The following ACSF2 variants were observed in gnomAD, a reference collection of about 807,000 sequenced individuals.
ACSF2 encodes the protein acyl-CoA synthetase family member 2.
A neutral mutation model predicts 79.3 loss-of-function variants in ACSF2; 52 were observed. The observed-to-expected ratio is 0.66, with a 90% confidence interval of 0.53 to 0.83. The LOEUF is 0.83. ACSF2 is among the 40% of genes least tolerant of loss of function. The probability of loss-of-function intolerance (pLI) is 0.00; values close to 1 mark genes in which losing one functional copy is unlikely to be tolerated. For synonymous variants in ACSF2, 283 were observed against 312.6 expected (o/e 0.91, Z 1.00); for missense variants, 661 against 803.3 (o/e 0.82, Z 2.14).
At chr17:50,447,878 C>T (rs752642294) in intron 1 of ACSF2, among the ~76,000 whole-genome samples, 14 of 152,144 alleles carry the variant, frequency 9.2e-5, no homozygotes, top group Non-Finnish European at 1.6e-4. Flanking sequence ...GAGGGTATAC[C>T]GGAGTTGGTG....
At chr17:50,469,030 C>T in intron 10 of ACSF2, 4 of 1,333,814 alleles carry the variant, frequency 3.0e-6, no homozygotes, top group Middle Eastern at 2.8e-4. Context: ...GGGGGCGGGG[C>T]CGTTCCCCCA....
At chr17:50,441,086 G>A (rs968773503) in intron 1 of ACSF2, among the ~76,000 whole-genome samples, 2 of 152,266 alleles carry the variant, frequency 1.3e-5, no homozygotes, top group African/African-American at 4.8e-5. Flanking sequence ...AGAGTAAAGA[G>A]TAGTACTCTT....
intron 1 of ACSF2, among the ~76,000 whole-genome samples, chr17:50,443,417 C>T (rs1466902028): frequency 1.3e-5 from 2 of 152,124 alleles, no homozygotes; most frequent in Non-Finnish European, 2.9e-5. Flanking sequence ...GTTTGGGATG[C>T]CCTCTTTCTA....
intron 10 of ACSF2, chr17:50,466,011 G>A: frequency 1.3e-6 from 1 of 763,592 alleles, no homozygotes; most frequent in South Asian, 1.8e-5. Flanking sequence ...AAAGCAGTAT[G>A]ACCAAGTGAT....
In ACSF2 at chr17:50,462,590, G is replaced by A. The variant is rs746855499; in HGVS notation, c.792+5G>A. 1 of 1,611,280 alleles carries A rather than the reference G, an allele frequency of 6.2e-7. No homozygotes were observed. The highest frequency in any genetic ancestry group is 1.1e-5 in the South Asian group (1 of 91,016). On this transcript the variant is annotated splice_donor_5th_base_variant and intron_variant, in intron 6 of 15. Transcript: ENST00000300441. ...ATCAACATCCAGTTCACCTCGGTAG[G>A]GCAGAGGTCTCCAGGCCCCAAGCCC...
Position 50,474,428 on chromosome 17 carries a change from A to G in ACSF2, c.1798-74A>G, listed in dbSNP as rs1051402067. The G allele has an allele frequency of 5.8e-6, 9 of 1,563,872 alleles. No individual in the cohort carries two copies. The African/African-American group carries it at 1.2e-4, about 21-fold the overall frequency. Reference sequence around the variant, plus strand: ...GGGGACTTTCCCTGTTTTGGCACTAAGAGCCTGAGAAACCCCTTATTCTTG... The same window carrying G: ...GGGGACTTTCCCTGTTTTGGCACTAGGAGCCTGAGAAACCCCTTATTCTTG... On this transcript the variant is annotated intron_variant, in intron 15 of 15. Coordinates refer to ENST00000300441, the MANE Select transcript of ACSF2 (RefSeq NM_025149.6). The surrounding 1 kb of genome is among the most constrained non-coding windows in gnomAD (Gnocchi z 4.2).
intron 1 of ACSF2, among the ~76,000 whole-genome samples, chr17:50,434,759 G>A (rs1302247459): frequency 6.6e-6 from 1 of 151,788 alleles, no homozygotes; most frequent in African/African-American, 2.4e-5. Context: ...GTTCTTTGTA[G>A]TTGGTATTTT....
intron 2 of ACSF2, 57 bp from the exon 3 acceptor site, chr17:50,461,185 C>A: frequency 6.2e-7 from 1 of 1,611,400 alleles, no homozygotes; most frequent in Non-Finnish European, 8.5e-7. Context: ...GGGTGGGAGT[C>A]TTGGGCCCCT....
Position 50,426,262 on chromosome 17 carries a change from A to ATG in ACSF2, c.2_3dup (p.Ala2_?1). ...GCCGGGACGCAGGGCAAAGCGAGCCATGGCTGTCTACGTCGGGATGCTGCG... is the reference window on the plus strand; with the variant it reads ...GCCGGGACGCAGGGCAAAGCGAGCCATGTGGCTGTCTACGTCGGGATGCTGCG... On this transcript the variant is annotated frameshift_variant and start_lost, in exon 1 of 16. Coordinates refer to ENST00000300441, the MANE Select transcript of ACSF2 (RefSeq NM_025149.6). LOFTEE classifies it high-confidence loss of function. The ATG allele has an allele frequency of 1.5e-6, 2 of 1,376,490 alleles. No homozygotes were observed. Among genetic ancestry groups the ATG allele is most frequent in the African/African-American group, 1.5e-5 (1 of 66,666 alleles). The allele number at this position is 1,376,490 out of a possible 1,614,324, so 85.3% of individuals were successfully genotyped here. A position where few individuals can be genotyped will look rare whatever the true frequency, so the allele number is the denominator to read the frequency against.
intron 1 of ACSF2, among the ~76,000 whole-genome samples, chr17:50,454,434 C>T (rs1321391423): frequency 6.6e-6 from 1 of 152,018 alleles, no homozygotes; most frequent in African/African-American, 2.4e-5. Context: ...GGGAGACAGC[C>T]AGTCTGTGAC....
intron 1 of ACSF2, among the ~76,000 whole-genome samples, chr17:50,438,975 G>C (rs1567840099): frequency 6.6e-6 from 1 of 151,980 alleles, no homozygotes; most frequent in Non-Finnish European, 1.5e-5. Context: ...GTTTATATTT[G>C]TTTAAACATG....
chr17:50,471,223 A>T lies in ACSF2; in HGVS notation c.1323+88A>T. ...TGGGACATCGGTTGCTTTCAGTGAG[A>T]GAGTCAAATGGCTCACTCAGGATGC... On this transcript the variant is annotated intron_variant, in intron 11 of 15. Transcript: ENST00000300441. This position sits in a 1 kb window ranked among gnomAD's most constrained non-coding sequence, Gnocchi z 4.1. The T allele has an allele frequency of 1.8e-6, 2 of 1,093,684 alleles. No homozygotes were observed. The highest frequency in any genetic ancestry group is 2.8e-6 in the Non-Finnish European group (2 of 718,486). The allele number at this position is 1,093,684 out of a possible 1,614,324, so 67.7% of individuals were successfully genotyped here. A position where few individuals can be genotyped will look rare whatever the true frequency, so the allele number is the denominator to read the frequency against.
chr17:50,468,191 G>A lies in ACSF2; in HGVS notation c.1216-2837G>A, dbSNP rs1391168025. On this transcript the variant is annotated intron_variant, in intron 10 of 15. Transcript: ENST00000300441. ...GCTCAGGGCAGCTGAGGGGTAGCTGGACAGCTGGTTCCTGTCCACGTGGAA... is the reference window on the plus strand; with the variant it reads ...GCTCAGGGCAGCTGAGGGGTAGCTGAACAGCTGGTTCCTGTCCACGTGGAA... The A allele has an allele frequency of 1.9e-6, 3 of 1,614,074 alleles. No individual in the cohort carries two copies. Among genetic ancestry groups the A allele is most frequent in the East Asian group, 2.2e-5 (1 of 44,890 alleles).
In ACSF2 at chr17:50,426,405, G is replaced by T. The variant is rs976066205; in HGVS notation, c.128+16G>T. ...GCTTCCTCAGGTACTGGCCCCCCGC[G>T]GGAAGAGAGGGGGCGGGGCAGTTCC... is the stretch of plus-strand genomic sequence containing the variant. On this transcript the variant is annotated intron_variant, in intron 1 of 15. Transcript: ENST00000300441. 1 of 1,311,548 alleles carries T rather than the reference G, an allele frequency of 7.6e-7. No homozygotes were observed. Among genetic ancestry groups the T allele is most frequent in the Non-Finnish European group, 9.8e-7 (1 of 1,023,224 alleles). The allele number at this position is 1,311,548 out of a possible 1,614,324, so 81.2% of individuals were successfully genotyped here.
chr17:50,444,108 T>C (rs2031131014), intron 1 of ACSF2, among the ~76,000 whole-genome samples: 1 of 152,352 alleles, frequency 6.6e-6, no homozygotes, highest in African/African-American at 2.4e-5. Flanking sequence ...ATTACTGATT[T>C]GTTCTATTTT....
intron 10 of ACSF2, chr17:50,467,754 G>A: frequency 2.9e-6 from 1 of 346,464 alleles, no homozygotes; most frequent in South Asian, 9.8e-5. Context: ...TGGGGGTTTG[G>A]AAGCACTGGA....
intron 10 of ACSF2, chr17:50,467,907 G>C (rs1192212269): frequency 1.2e-6 from 1 of 856,968 alleles, no homozygotes; most frequent in East Asian, 2.6e-5. Flanking sequence ...AGGTGGCAGA[G>C]CTGCTCACCT....
chr17:50,449,364 C>T (rs1030239744), intron 1 of ACSF2, among the ~76,000 whole-genome samples: 5 of 149,562 alleles, frequency 3.3e-5, no homozygotes, highest in African/African-American at 1.2e-4. Flanking sequence ...TAAATGTTTT[C>T]AAGGTTCCAC....
At chr17:50,460,498 G>A in intron 1 of ACSF2, 179 bp from the exon 2 acceptor site, 1 of 623,752 alleles carries the variant, frequency 1.6e-6, no homozygotes. Flanking sequence ...CTTGGGATTA[G>A]GCTTGAGGTT....
Sources: gnomAD v4.1 joint callset for allele counts (sites outside exome capture counted in the v4.1 genomes callset) on GRCh38, gnomAD v4.1.1 for gene constraint, Gnocchi (gnomAD v3.1) non-coding constraint, MANE v1.5 for transcripts, NCBI Gene and HGNC (gene_info 2026-07-23, HGNC 2026-07-21) for gene names.